The following SLC35F3 variants were observed in gnomAD, a reference collection of about 807,000 sequenced individuals.
The protein encoded by SLC35F3 is putative thiamine transporter SLC35F3.
SLC35F3 carries 25 observed loss-of-function variants against 49.9 expected under a neutral mutation model. The ratio of observed to expected loss-of-function variants is 0.50; its 90% CI spans 0.37 to 0.70. The LOEUF is 0.70. Ranked by LOEUF, SLC35F3 falls within the 30% of genes least tolerant of loss-of-function variation. The pLI is 0.00. For missense variants in SLC35F3, 525 were observed against 639.8 expected, an observed-to-expected ratio of 0.82 and a Z score of 1.94; for synonymous variants, 275 against 265.4, an observed-to-expected ratio of 1.04 and a Z score of -0.35.
intron 2 of SLC35F3, among the ~76,000 whole-genome samples, chr1:233,963,298 C>A (rs1466534829): frequency 6.9e-6 from 1 of 145,116 alleles, no homozygotes; most frequent in Non-Finnish European, 1.5e-5. Flanking sequence ...TTCTTTCTTT[C>A]TTTTTTTTTT....
At chr1:234,100,189 A>G (rs764620541) in intron 2 of SLC35F3, among the ~76,000 whole-genome samples, 8 of 152,246 alleles carry the variant, frequency 5.3e-5, no homozygotes, top group Non-Finnish European at 8.8e-5. Context: ...TACCATTATC[A>G]TCACTATTCC....
chr1:234,260,842 G>A (rs1328597821), intron 3 of SLC35F3, among the ~76,000 whole-genome samples: 1 of 152,102 alleles, frequency 6.6e-6, no homozygotes, highest in Non-Finnish European at 1.5e-5. Context: ...CCAACAGCAA[G>A]AACAAGACAC....
At chr1:234,239,604 C>T (rs1354768612) in intron 3 of SLC35F3, among the ~76,000 whole-genome samples, 2 of 152,236 alleles carry the variant, frequency 1.3e-5, no homozygotes, top group African/African-American at 4.8e-5. Flanking sequence ...GAGCCCTGTG[C>T]TCTGCAGCCT....
At chr1:234,076,985 A>AG (rs200559748) in intron 2 of SLC35F3, among the ~76,000 whole-genome samples, 99 of 136,626 alleles carry the variant, frequency 7.2e-4, no homozygotes, top group East Asian at 4.4e-3. Flanking sequence ...TAAAAGAAAG[A>AG]GGTTTTTTTT....
intron 2 of SLC35F3, among the ~76,000 whole-genome samples, chr1:234,174,568 A>T (rs1346980935): frequency 6.6e-6 from 1 of 152,212 alleles, no homozygotes; most frequent in East Asian, 1.9e-4. Context: ...CAGAGAAGTC[A>T]GTCACCTGCC....
At chr1:234,102,805 C>A (rs1289780843) in intron 2 of SLC35F3, among the ~76,000 whole-genome samples, 1 of 152,306 alleles carries the variant, frequency 6.6e-6, no homozygotes, top group Admixed American at 6.5e-5. Context: ...AAACCACAGC[C>A]GCTAAAGTCG....
At chr1:233,923,957 T>A (rs1344157094) in intron 2 of SLC35F3, among the ~76,000 whole-genome samples, 5 of 152,166 alleles carry the variant, frequency 3.3e-5, no homozygotes, top group African/African-American at 1.2e-4. Context: ...TGTTGATTTG[T>A]GTATGTTGAA....
intron 2 of SLC35F3, among the ~76,000 whole-genome samples, chr1:233,926,485 G>A (rs962340598): frequency 1.3e-5 from 2 of 151,962 alleles, no homozygotes; most frequent in Admixed American, 6.6e-5. Context: ...ATTTCCTTCA[G>A]GTCATTTAAG....
chr1:234,302,888 A>G (rs1255394205), intron 3 of SLC35F3, among the ~76,000 whole-genome samples: 3 of 152,166 alleles, frequency 2.0e-5, no homozygotes, highest in Non-Finnish European at 4.4e-5. Flanking sequence ...TTAGCAATTC[A>G]ATGCATGCAC....
chr1:234,295,224 A>G (rs547259292), intron 3 of SLC35F3, among the ~76,000 whole-genome samples: 8 of 152,340 alleles, frequency 5.3e-5, no homozygotes, highest in South Asian at 4.1e-4. Context: ...CATTAACATG[A>G]GTGACGAAGG....
intron 3 of SLC35F3, among the ~76,000 whole-genome samples, chr1:234,287,237 A>C (rs1668437033): frequency 6.6e-6 from 1 of 152,198 alleles, no homozygotes; most frequent in Non-Finnish European, 1.5e-5. Context: ...ACTAATGTTA[A>C]TTATACAGCA....
intron 2 of SLC35F3, among the ~76,000 whole-genome samples, chr1:234,017,802 G>A (rs1663827359): frequency 6.6e-6 from 1 of 150,622 alleles, no homozygotes; most frequent in Admixed American, 6.6e-5. Flanking sequence ...GGCAAAAACC[G>A]TGATTACTTT....
intron 3 of SLC35F3, among the ~76,000 whole-genome samples, chr1:234,307,325 T>G (rs1242669614): frequency 1.3e-5 from 2 of 152,192 alleles, no homozygotes; most frequent in African/African-American, 4.8e-5. Flanking sequence ...AACATAGGAC[T>G]CTGTGTACAG....
At chr1:234,161,314 C>T (rs1340194227) in intron 2 of SLC35F3, among the ~76,000 whole-genome samples, 1 of 152,176 alleles carries the variant, frequency 6.6e-6, no homozygotes, top group African/African-American at 2.4e-5. Context: ...TGCTCGAGAT[C>T]AAATTGGTAG....
chr1:234,012,366 A>G (rs1467369978), intron 2 of SLC35F3, among the ~76,000 whole-genome samples: 1 of 152,204 alleles, frequency 6.6e-6, no homozygotes, highest in East Asian at 1.9e-4. Context: ...CTCTTTTACT[A>G]ATCCACCTCA....
At chr1:234,269,892 G>A (rs1668070550) in intron 3 of SLC35F3, among the ~76,000 whole-genome samples, 1 of 152,096 alleles carries the variant, frequency 6.6e-6, no homozygotes, top group Non-Finnish European at 1.5e-5. Flanking sequence ...TTCCGCTTCT[G>A]CCATGAGTGG....
At chr1:234,019,639 G>GT (rs1482113923) in intron 2 of SLC35F3, among the ~76,000 whole-genome samples, 1 of 152,104 alleles carries the variant, frequency 6.6e-6, no homozygotes, top group Non-Finnish European at 1.5e-5. Context: ...ACAGATTTAA[G>GT]TTTTAGTCAC....
chr1:234,115,954 G>A (rs1441095654), intron 2 of SLC35F3, among the ~76,000 whole-genome samples: 1 of 152,116 alleles, frequency 6.6e-6, no homozygotes, highest in African/African-American at 2.4e-5. Flanking sequence ...CAATAATTAA[G>A]GGGAAAGGGT....
Position 233,917,466 on chromosome 1 carries a change from C to T in SLC35F3, c.283+11708C>T, listed in dbSNP as rs114304306. On this transcript the variant is annotated intron_variant, in intron 2 of 7. Coordinates refer to ENST00000366618, the MANE Select transcript of SLC35F3 (RefSeq NM_173508.4). Reference sequence around the variant, plus strand: ...TTTTTTTTTCTCTTTCATGAAATCACGCAACAATGAAGATTTTTGACTGGG... The same window carrying T: ...TTTTTTTTTCTCTTTCATGAAATCATGCAACAATGAAGATTTTTGACTGGG... 4.4e-3 allele frequency among the ~76,000 whole-genome samples: 669 copies of T among 152,094 alleles called. 5 individuals carry two copies. The highest frequency in any genetic ancestry group is 0.016 in the African/African-American group (649 of 41,494).
Sources: gnomAD v4.1 joint callset for allele counts (sites outside exome capture counted in the v4.1 genomes callset) on GRCh38, gnomAD v4.1.1 for gene constraint, MANE v1.5 for transcripts, NCBI Gene and HGNC (gene_info 2026-07-23, HGNC 2026-07-21) for gene names.